The following RAPGEF5 variants were observed in gnomAD, a reference collection of about 807,000 sequenced individuals.
The protein encoded by RAPGEF5 is M-Ras-regulated GEF.
RAPGEF5 carries 65 observed loss-of-function variants against 125.2 expected under a neutral mutation model. The observed-to-expected ratio is 0.52, with a 90% CI of 0.43 to 0.64. The LOEUF is 0.64. RAPGEF5 is among the 30% of genes least tolerant of loss of function. The pLI is 0.00. For missense variants in RAPGEF5, 958 were observed against 1,048.1 expected, an observed-to-expected ratio of 0.91 and a Z score of 1.19; for synonymous variants, 391 against 385.9, an observed-to-expected ratio of 1.01 and a Z score of -0.16.
intron 9 of RAPGEF5, among the ~76,000 whole-genome samples, chr7:22,214,214 AGT>A (rs1397404611): frequency 6.6e-6 from 1 of 152,198 alleles, no homozygotes; most frequent in Non-Finnish European, 1.5e-5. Flanking sequence ...GCAGTTTCAG[AGT>A]GTGCAAAATC....
Position 22,118,529 on chromosome 7 carries a change from C to T in RAPGEF5, c.*3877G>A, listed in dbSNP as rs1365686421. On this transcript the variant is annotated 3_prime_UTR_variant, in exon 26 of 26. Transcript: ENST00000665637. ...AGCATGGAATATGGGAAAGAAAACA[C>T]TGTTAATGGCAATTCTGGTAACTCA... is the stretch of plus-strand genomic sequence containing the variant. The T allele has an allele frequency of 6.6e-6, 1 of 152,476 alleles. No individual in the cohort carries two copies. The highest frequency in any genetic ancestry group is 2.4e-5 in the African/African-American group (1 of 41,364). 9.4% of individuals were successfully genotyped at this position (152,476 alleles called of 1,614,324 possible). A position where few individuals can be genotyped will look rare whatever the true frequency, so the allele number is the denominator to read the frequency against.
chr7:22,354,971 C>T (rs1046632879), intron 1 of RAPGEF5, among the ~76,000 whole-genome samples: 1 of 152,220 alleles, frequency 6.6e-6, no homozygotes, highest in African/African-American at 2.4e-5. Context: ...CCCCTTCCTA[C>T]TCCTTTGATG....
chr7:22,165,990 A>G (rs1049494871), intron 12 of RAPGEF5, among the ~76,000 whole-genome samples: 2 of 149,808 alleles, frequency 1.3e-5, no homozygotes, highest in African/African-American at 4.9e-5. Flanking sequence ...TAGTTTTGGT[A>G]TGCCTATATA....
At chr7:22,296,590 T>TA (rs80075610) in intron 5 of RAPGEF5, among the ~76,000 whole-genome samples, 32,901 of 151,504 alleles carry the variant, frequency 0.22, 4,048 homozygotes, top group East Asian at 0.53. Flanking sequence ...GAAAGCCCAA[T>TA]AAAAAAAAGT....
chr7:22,357,039 C>T lies in RAPGEF5; in HGVS notation c.22G>A (p.Val8Ile). Residue 8 changes from valine (V) to isoleucine (I), a missense_variant, in exon 1 of 26, where the codon GTC (valine) becomes ATC (isoleucine). Val to Ile is a conservative substitution (Grantham distance 29, BLOSUM62 3). Coordinates refer to ENST00000665637, the MANE Select transcript of RAPGEF5 (RefSeq NM_012294.5). MRMAVGS[V>I]KMQPPCESPA... The stretch of plus-strand genomic sequence containing the variant: ...CTCTCGCACGGCGGCTGCATCTTGA[C>T]GGAGCCCACGGCCATCCTCATGCCC... 3 of 1,032,562 alleles carry T rather than the reference C, an allele frequency of 2.9e-6. No homozygotes were observed. The highest frequency in any genetic ancestry group is 8.4e-5 in the East Asian group (1 of 11,952). 64.0% of individuals were successfully genotyped at this position (1,032,562 alleles called of 1,614,324 possible).
At chr7:22,218,991 T>C (rs1352852291) in intron 9 of RAPGEF5, among the ~76,000 whole-genome samples, 2 of 152,158 alleles carry the variant, frequency 1.3e-5, no homozygotes, top group South Asian at 4.1e-4. Context: ...TTTGTATTAA[T>C]AGACTTGGAG....
chr7:22,356,860 C>G lies in RAPGEF5; in HGVS notation c.201G>C (p.Leu67=), dbSNP rs1159426227. ...CCCCAGCGGCGCTCCGCTTCCTCCG[C>G]AGCGTGAGCCCGCTCCGCAGCAGCG... ...LPALLRSGLT[L]RRKRSAAGGR... The change falls in exon 1 of 26, where the codon CTG becomes CTC. Residue 67 remains leucine, a synonymous_variant. Transcript: ENST00000665637. 8.6e-7 allele frequency: 1 copy of G among 1,164,856 alleles called. No individual in the cohort carries two copies. Among genetic ancestry groups the G allele is most frequent in the African/African-American group, 1.6e-5 (1 of 61,976 alleles). The allele number at this position is 1,164,856 out of a possible 1,614,324, so 72.2% of individuals were successfully genotyped here. A position where few individuals can be genotyped will look rare whatever the true frequency, so the allele number is the denominator to read the frequency against.
intron 6 of RAPGEF5, among the ~76,000 whole-genome samples, chr7:22,275,421 G>C (rs1230447644): frequency 6.6e-6 from 1 of 152,186 alleles, no homozygotes; most frequent in African/African-American, 2.4e-5. Flanking sequence ...GAAGGTGTAG[G>C]GGGAACATGA....
At chr7:22,316,489 ATT>A (rs1174593478) in intron 2 of RAPGEF5, among the ~76,000 whole-genome samples, 2 of 50,644 alleles carry the variant, frequency 3.9e-5, no homozygotes, top group South Asian at 9.2e-4. Context: ...ATATATATAT[ATT>A]TTTTTTTTTT....
intron 7 of RAPGEF5, among the ~76,000 whole-genome samples, chr7:22,244,678 G>T (rs957833902): frequency 6.6e-6 from 1 of 152,040 alleles, no homozygotes; most frequent in Non-Finnish European, 1.5e-5. Flanking sequence ...AGTAAATAAT[G>T]TGCTTGAATC....
At chr7:22,199,134 G>C (rs1281232934) in intron 9 of RAPGEF5, among the ~76,000 whole-genome samples, 1 of 152,188 alleles carries the variant, frequency 6.6e-6, no homozygotes, top group Non-Finnish European at 1.5e-5. Context: ...TGGATGGCCT[G>C]TCTGGTTTGG....
At chr7:22,143,847 T>A (rs1783343038) in intron 20 of RAPGEF5, among the ~76,000 whole-genome samples, 1 of 152,282 alleles carries the variant, frequency 6.6e-6, no homozygotes. Flanking sequence ...AATTACCCAC[T>A]GACACACTGC....
chr7:22,321,620 C>T (rs1214294418), intron 1 of RAPGEF5, among the ~76,000 whole-genome samples: 1 of 152,218 alleles, frequency 6.6e-6, no homozygotes, highest in East Asian at 1.9e-4. Context: ...CATGAACTAA[C>T]AAGAACTACC....
chr7:22,285,213 A>G (rs1230205195), intron 6 of RAPGEF5, among the ~76,000 whole-genome samples: 1 of 152,168 alleles, frequency 6.6e-6, no homozygotes, highest in Non-Finnish European at 1.5e-5. Flanking sequence ...CTAGGAAAAA[A>G]TCAAAATTCA....
chr7:22,291,361 GA>G (rs1015823925), intron 5 of RAPGEF5, 120 bp from the exon 6 acceptor site: 3 of 1,400,088 alleles, frequency 2.1e-6, no homozygotes, highest in Non-Finnish European at 2.8e-6. Context: ...AAGTACTCAT[GA>G]AAATAACAAA....
rs919430633 is a variant in RAPGEF5, at chr7:22,166,096, T to A, written c.1283+974A>T. Reference sequence around the variant, plus strand: ...TATATATGTATCATATATATATATATCATATATATATTTTAGAGATGGGGT... The same window carrying A: ...TATATATGTATCATATATATATATAACATATATATATTTTAGAGATGGGGT... On this transcript the variant is annotated intron_variant, in intron 12 of 25. Transcript: ENST00000665637. Among the ~76,000 whole-genome samples, 13 of 146,810 alleles carry A rather than the reference T, an allele frequency of 8.9e-5. No homozygotes were observed. In the Admixed American group the frequency reaches 8.9e-4, roughly 10 times the overall value.
At chr7:22,193,588 C>T (rs1186991991) in intron 10 of RAPGEF5, 133 bp from the exon 11 acceptor site, 4 of 1,551,240 alleles carry the variant, frequency 2.6e-6, no homozygotes, top group Admixed American at 3.9e-5. Context: ...GGGCAGCTCT[C>T]GGTCTGAGAG....
At chr7:22,278,656 A>T (rs1428273719) in intron 6 of RAPGEF5, among the ~76,000 whole-genome samples, 2 of 151,424 alleles carry the variant, frequency 1.3e-5, no homozygotes, top group Non-Finnish European at 2.9e-5. Context: ...GTTCATGCCA[A>T]TAATGTTGAT....
In RAPGEF5 at chr7:22,145,047, G is replaced by A. The variant is rs769439917; in HGVS notation, c.2183C>T (p.Ala728Val). Residue 728 changes from alanine to valine, a missense_variant, in exon 20 of 26, where the codon GCT (alanine) becomes GTT (valine). By Grantham distance (64) the Ala-to-Val change is moderately conservative. Transcript: ENST00000665637. ...QLVKKFIKIA[A>V]HCKAQRNLNS... ...ACTTCTCACACTAGAAACTTACTGA[G>A]CCGCAATTTTGATGAATTTTTTCAC... is the stretch of plus-strand genomic sequence containing the variant. 6.8e-6 allele frequency: 11 copies of A among 1,612,784 alleles called. No homozygotes were observed. The Admixed American group carries it at 1.8e-4, about 27-fold the overall frequency.
Sources: gnomAD v4.1 joint callset for allele counts (sites outside exome capture counted in the v4.1 genomes callset) on GRCh38, gnomAD v4.1.1 for gene constraint, MANE v1.5 for transcripts, NCBI Gene and HGNC (gene_info 2026-07-23, HGNC 2026-07-21) for gene names.